The following CHMP4A variants were observed in gnomAD, a reference collection of about 807,000 sequenced individuals.
CHMP4A encodes charged multivesicular body protein 4A.
In CHMP4A, 29 loss-of-function variants were observed where a neutral mutation model predicts 28.2. The ratio of observed to expected loss-of-function variants is 1.03; its 90% CI spans 0.77 to 1.40. CHMP4A has a LOEUF of 1.40. Ranked by LOEUF, CHMP4A falls within the 40% of genes most tolerant of loss-of-function variation. The pLI, the probability that CHMP4A is intolerant of heterozygous loss-of-function variation, is 0.00. For synonymous variants in CHMP4A, 88 were observed against 99.3 expected, an observed-to-expected ratio of 0.89 and a Z score of 0.67; for missense variants, 241 against 263.5, an observed-to-expected ratio of 0.91 and a Z score of 0.59.
intron 1 of CHMP4A, chr14:24,212,078 T>TA (rs1243706082): frequency 2.7e-6 from 1 of 372,434 alleles, no homozygotes; most frequent in Non-Finnish European, 4.8e-6. Flanking sequence ...ATATTCTTTT[T>TA]ACTATTCCTA....
At position 24,209,818 on chromosome 14, in the gene CHMP4A, T is replaced by G. The variant is rs2138858543; in HGVS notation, c.*59A>C. On this transcript the variant is annotated 3_prime_UTR_variant, in exon 6 of 6. Transcript: ENST00000347519. ...AGTTATCCTCCTTTAGCTCAGCACT[T>G]GGCACTTAAGGAAGAAAGGACCAAC... is the stretch of plus-strand genomic sequence containing the variant. 1 of 1,504,136 alleles carries G rather than the reference T, an allele frequency of 6.6e-7. No individual in the cohort carries two copies. Among genetic ancestry groups the G allele is most frequent in the Non-Finnish European group, 9.3e-7 (1 of 1,079,888 alleles). The allele number at this position is 1,504,136 out of a possible 1,614,324, so 93.2% of individuals were successfully genotyped here.
chr14:24,211,819 C>G lies in CHMP4A; in HGVS notation c.42G>C (p.Glu14Asp). The G allele has an allele frequency of 6.2e-7, 1 of 1,613,262 alleles. No individual in the cohort carries two copies. Among genetic ancestry groups the G allele is most frequent in the East Asian group, 2.2e-5 (1 of 44,882 alleles). The change falls in exon 2 of 6, where the codon GAG (glutamate) becomes GAC (aspartate). Residue 14 changes from glutamate to aspartate, a missense_variant. Transcript: ENST00000347519. Reference protein sequence around the residue: ...LGRLFGKGKKEKGPTPEEAIQ... With the variant: ...LGRLFGKGKKDKGPTPEEAIQ... ...TTGCTTCTTCAGGGGTTGGCCCTTT[C>G]TCCTTCTTCCCTGAGGAGTCCAGTG...
chr14:24,210,757 T>C lies in CHMP4A; in HGVS notation c.371A>G (p.Lys124Arg), dbSNP rs1162859213. Residue 124 changes from lysine to arginine, a missense_variant, in exon 4 of 6, where the codon AAG (lysine) becomes AGG (arginine). Transcript: ENST00000347519. The stretch of plus-strand genomic sequence containing the variant: ...GATGTCAGTCATCAGTTCATCTACC[T>C]TGTCAATGTCCCTGAGAATGAGATA... Reference protein sequence around the residue: ...KKAYQDMDIDKVDELMTDITE... With the variant: ...KKAYQDMDIDRVDELMTDITE... 1 of 1,613,230 alleles carries C rather than the reference T, an allele frequency of 6.2e-7. No individual in the cohort carries two copies. Among genetic ancestry groups the C allele is most frequent in the South Asian group, 1.1e-5 (1 of 91,066 alleles).
chr14:24,213,402 G>A lies in CHMP4A; in HGVS notation c.31+7C>T, dbSNP rs752826422. On this transcript the variant is annotated splice_region_variant and intron_variant, in intron 1 of 5. Transcript: ENST00000347519. ...CCTCCTGGCTGGCCAGTCCCACCCT[G>A]GCTCACCCTTCCCGAAGAGCCTGCC... The A allele has an allele frequency of 1.6e-5, 26 of 1,597,342 alleles. No individual in the cohort carries two copies. Among genetic ancestry groups the A allele is most frequent in the Non-Finnish European group, 2.6e-6 (3 of 1,175,020 alleles).
chr14:24,211,003 G>T, intron 3 of CHMP4A: 1 of 509,264 alleles, frequency 2.0e-6, no homozygotes, highest in Non-Finnish European at 3.6e-6. Context: ...GGCCAAAATG[G>T]CAAAACTCCA....
intron 4 of CHMP4A, 31 bp downstream of exon 4, chr14:24,210,623 C>T: frequency 6.2e-7 from 1 of 1,600,438 alleles, no homozygotes; most frequent in Non-Finnish European, 8.6e-7. Flanking sequence ...ATACTTTCTG[C>T]AATATTCCCT....
Position 24,211,822 on chromosome 14 carries a change from C to T in CHMP4A, c.39G>A (p.Lys13=), listed in dbSNP as rs1051703009. The T allele has an allele frequency of 1.9e-6, 3 of 1,612,936 alleles. No homozygotes were observed. The highest frequency in any genetic ancestry group is 2.5e-6 in the Non-Finnish European group (3 of 1,179,712). The change falls in exon 2 of 6, where the codon AAG becomes AAA. Residue 13 remains lysine (K), a synonymous_variant. Transcript: ENST00000347519. ...GLGRLFGKGK[K]EKGPTPEEAI... is the part of the protein sequence containing the mutation. ...CTTCTTCAGGGGTTGGCCCTTTCTC[C>T]TTCTTCCCTGAGGAGTCCAGTGGAG... is the stretch of plus-strand genomic sequence containing the variant.
In CHMP4A at chr14:24,211,419, C is replaced by T; in HGVS notation, c.355G>A (p.Asp119Asn). 1.2e-6 allele frequency: 2 copies of T among 1,602,610 alleles called. No individual in the cohort carries two copies. Among genetic ancestry groups the T allele is most frequent in the Non-Finnish European group, 1.7e-6 (2 of 1,170,556 alleles). ...CACCCCTCCCCCCGTACCCACATGT[C>T]CTGGTAGGCCTTCTTCATGCTTTGG... ...AAQSMKKAYQ[D>N]MDIDKVDELM... The change falls in exon 3 of 6, where the codon GAC becomes AAC. Residue 119 changes from aspartate to asparagine, a missense_variant. By Grantham distance (23) the Asp-to-Asn change is conservative. Transcript: ENST00000347519.
At chr14:24,211,174 A>C (rs939124618) in intron 3 of CHMP4A, 2 of 487,756 alleles carry the variant, frequency 4.1e-6, no homozygotes, top group African/African-American at 3.8e-5. Context: ...ACAGAGCAAG[A>C]CTCCATCTCA....
intron 5 of CHMP4A, 83 bp downstream of exon 5, chr14:24,210,265 A>C (rs2039579705): frequency 2.0e-6 from 3 of 1,536,040 alleles, no homozygotes; most frequent in Non-Finnish European, 2.6e-6. Flanking sequence ...GGCTCCTTTG[A>C]GGCAGGATGG....
At position 24,209,878 on chromosome 14, in the gene CHMP4A, C is replaced by G; in HGVS notation, c.668G>C (p.Ter223SerextTer1). 6.2e-7 allele frequency: 1 copy of G among 1,613,716 alleles called. No homozygotes were observed. The highest frequency in any genetic ancestry group is 2.2e-5 in the East Asian group (1 of 44,886). The change falls in exon 6 of 6, where the codon TGA becomes TCA. Residue 223 changes from the stop codon to serine (S), a stop_lost. Coordinates refer to ENST00000347519, the MANE Select transcript of CHMP4A (RefSeq NM_014169.5). ...ALKQLAEWVS[*>S] The stretch of plus-strand genomic sequence containing the variant: ...ATTAGGAAGACAAGCCCAGATTTAT[C>G]AGGATACCCACTCAGCCAACTGCTT...
chr14:24,210,018 C>G, intron 5 of CHMP4A, 83 bp from the exon 6 acceptor site: 1 of 1,272,580 alleles, frequency 7.9e-7, no homozygotes. Flanking sequence ...CTATGACATT[C>G]AGAGCCTGCT....
At chr14:24,210,604 G>T in intron 4 of CHMP4A, 50 bp downstream of exon 4, 1 of 1,590,312 alleles carries the variant, frequency 6.3e-7, no homozygotes. Flanking sequence ...GTTCCTTCTG[G>T]CCAGTCCCAT....
At chr14:24,211,282 G>T in intron 3 of CHMP4A, 133 bp downstream of exon 3, 1 of 741,636 alleles carries the variant, frequency 1.3e-6, no homozygotes, top group Non-Finnish European at 2.1e-6. Context: ...GAAGCAAGGG[G>T]CAGATGGATG....
At chr14:24,212,595 C>T (rs2039603659) in intron 1 of CHMP4A, 1 of 405,954 alleles carries the variant, frequency 2.5e-6, no homozygotes, top group East Asian at 1.0e-4. Context: ...CCCTCTGTCA[C>T]CAAGGCTGGA....
At chr14:24,212,646 CTG>C (rs2039604492) in intron 1 of CHMP4A, 1 of 364,636 alleles carries the variant, frequency 2.7e-6, no homozygotes. Flanking sequence ...CCTCCGCCTC[CTG>C]GGTTCAAGCG....
chr14:24,211,513 C>G lies in CHMP4A; in HGVS notation c.261G>C (p.Glu87Asp). 1 of 1,614,158 alleles carries G rather than the reference C, an allele frequency of 6.2e-7. No individual in the cohort carries two copies. Among genetic ancestry groups the G allele is most frequent in the Non-Finnish European group, 8.5e-7 (1 of 1,180,004 alleles). Reference sequence around the variant, plus strand: ...CATTCTCAATGGCCTCACGCTGAAACTCCAGGGTGGATAATGTCCCGTCAG... The same window carrying G: ...CATTCTCAATGGCCTCACGCTGAAAGTCCAGGGTGGATAATGTCCCGTCAG... Reference protein sequence around the residue: ...AQTDGTLSTLEFQREAIENAT... With the variant: ...AQTDGTLSTLDFQREAIENAT... Residue 87 changes from glutamate (E) to aspartate (D), a missense_variant, in exon 3 of 6, where the codon GAG (glutamate) becomes GAC (aspartate). Coordinates refer to ENST00000347519, the MANE Select transcript of CHMP4A (RefSeq NM_014169.5).
At chr14:24,213,348 G>A (rs2039615255) in intron 1 of CHMP4A, 61 bp downstream of exon 1, 2 of 1,467,760 alleles carry the variant, frequency 1.4e-6, no homozygotes, top group Non-Finnish European at 1.8e-6. Flanking sequence ...ATCTCGCCGG[G>A]GTCTCCTCTT....
intron 1 of CHMP4A, 75 bp from the exon 2 acceptor site, chr14:24,211,904 T>C (rs891556261): frequency 6.7e-6 from 9 of 1,343,374 alleles, no homozygotes; most frequent in Non-Finnish European, 9.2e-6. Flanking sequence ...ATACATAGTA[T>C]GTGCTAGAGA....
Sources: allele counts gnomAD v4.1 joint callset, GRCh38; gene constraint gnomAD v4.1.1; transcripts MANE v1.5; gene names NCBI Gene and HGNC (gene_info 2026-07-23, HGNC 2026-07-21).